MAPKAP1: variants seen among roughly 807,000 people sequenced by gnomAD.
MAPKAP1 encodes the protein MAPK associated protein 1, also known as target of rapamycin complex 2 subunit MAPKAP1.
MAPKAP1 carries 20 observed loss-of-function variants against 65.7 expected under a neutral mutation model. The observed-to-expected ratio is 0.30, with a 90% CI of 0.21 to 0.44. The LOEUF (loss-of-function observed/expected upper bound fraction) is 0.44. Among genes scored for constraint, MAPKAP1 ranks in the 20% least tolerant of loss-of-function variants. The probability of loss-of-function intolerance (pLI) is 1.00; values close to 1 mark genes in which losing one functional copy is unlikely to be tolerated. For synonymous variants in MAPKAP1, 222 were observed against 244.3 expected (o/e 0.91, Z 0.85); for missense variants, 423 against 648.0 (o/e 0.65, Z 3.77).
Position 125,699,925 on chromosome 9 carries a change from A to G in MAPKAP1, c.-70+7046T>C, listed in dbSNP as rs553992290. On this transcript the variant is annotated intron_variant, in intron 1 of 11. Coordinates refer to ENST00000265960, the MANE Select transcript of MAPKAP1 (RefSeq NM_001006617.3). ...CCAGCAAATCTGGCCCAGATTTTGA[A>G]TATTTTGAGTAGGGATGCTCAGCCT... Among the ~76,000 whole-genome samples, 10 of 152,276 alleles carry G rather than the reference A, an allele frequency of 6.6e-5. No individual in the cohort carries two copies. The South Asian group carries it at 2.1e-3, about 32-fold the overall frequency.
intron 10 of MAPKAP1, among the ~76,000 whole-genome samples, chr9:125,461,687 G>C (rs1254391428): frequency 6.6e-6 from 1 of 152,214 alleles, no homozygotes; most frequent in Non-Finnish European, 1.5e-5. Context: ...TAATATGTGA[G>C]AGTCCGTTGT....
At chr9:125,636,749 C>T (rs915608065) in intron 4 of MAPKAP1, among the ~76,000 whole-genome samples, 1 of 152,184 alleles carries the variant, frequency 6.6e-6, no homozygotes, top group Admixed American at 6.5e-5. Context: ...GTGATCTGCA[C>T]CACTCCTACC....
chr9:125,479,132 C>T (rs1388783281), intron 9 of MAPKAP1, among the ~76,000 whole-genome samples: 1 of 152,170 alleles, frequency 6.6e-6, no homozygotes, highest in Non-Finnish European at 1.5e-5. Flanking sequence ...TTTCAGGCGC[C>T]AGCGCATGCA....
intron 10 of MAPKAP1, among the ~76,000 whole-genome samples, chr9:125,464,423 G>A (rs898940282): frequency 6.6e-6 from 1 of 152,070 alleles, no homozygotes; most frequent in African/African-American, 2.4e-5. Flanking sequence ...ATCTGACAGA[G>A]GGAATCACTC....
intron 1 of MAPKAP1, among the ~76,000 whole-genome samples, chr9:125,684,757 C>T (rs532791981): frequency 8.5e-5 from 13 of 152,272 alleles, no homozygotes; most frequent in East Asian, 5.8e-4. Context: ...TCCAGCTCAA[C>T]GGTAGCCTTA....
chr9:125,693,408 C>T (rs138250318), intron 1 of MAPKAP1, among the ~76,000 whole-genome samples: 2,482 of 118,970 alleles, frequency 0.021, 28 homozygotes, highest in Non-Finnish European at 0.033. Context: ...GAGCGAAATT[C>T]CGCCTCAAAA....
chr9:125,506,452 G>T, intron 7 of MAPKAP1, 35 bp from the exon 8 acceptor site: 1 of 1,537,944 alleles, frequency 6.5e-7, no homozygotes, highest in Non-Finnish European at 9.0e-7. Context: ...AGGGGAGGAA[G>T]TCTGAAACAG....
In MAPKAP1 at chr9:125,595,895, C is replaced by T. The variant is rs563124990; in HGVS notation, c.499-10168G>A. ...GGATGCAGCCATGAATGCAAGGCCACACAAGGTGGATCGGAGTTGTGGAAC... is the reference window on the plus strand; with the variant it reads ...GGATGCAGCCATGAATGCAAGGCCATACAAGGTGGATCGGAGTTGTGGAAC... On this transcript the variant is annotated intron_variant, in intron 4 of 11. Transcript: ENST00000265960. This position sits in a 1 kb window ranked among gnomAD's most constrained non-coding sequence, Gnocchi z 4.0. 5.7e-6 allele frequency: 7 copies of T among 1,229,496 alleles called. No homozygotes were observed. The African/African-American group carries it at 7.4e-5, about 13-fold the overall frequency. 76.2% of individuals were successfully genotyped at this position (1,229,496 alleles called of 1,614,324 possible).
intron 5 of MAPKAP1, among the ~76,000 whole-genome samples, chr9:125,578,783 G>A (rs968238789): frequency 6.6e-6 from 1 of 152,082 alleles, no homozygotes; most frequent in African/African-American, 2.4e-5. Context: ...CACACAAGAT[G>A]GAAATTTTAA....
intron 6 of MAPKAP1, among the ~76,000 whole-genome samples, chr9:125,547,400 G>A (rs1224154130): frequency 6.6e-6 from 1 of 152,156 alleles, no homozygotes; most frequent in Non-Finnish European, 1.5e-5. Flanking sequence ...TCTTGGTTCC[G>A]TGGCTAACGG....
intron 7 of MAPKAP1, among the ~76,000 whole-genome samples, chr9:125,541,968 C>T (rs553603606): frequency 6.6e-6 from 1 of 152,348 alleles, no homozygotes; most frequent in South Asian, 2.1e-4. Context: ...GGAGCCGCCA[C>T]AGCCGAGGGT....
At chr9:125,665,643 A>C (rs1411083914) in intron 3 of MAPKAP1, among the ~76,000 whole-genome samples, 2 of 151,652 alleles carry the variant, frequency 1.3e-5, no homozygotes, top group Admixed American at 1.3e-4. Context: ...AAAAAACAAA[A>C]AACAAAAAAA....
chr9:125,445,303 C>G (rs1852669615), intron 10 of MAPKAP1, among the ~76,000 whole-genome samples: 1 of 152,244 alleles, frequency 6.6e-6, no homozygotes, highest in African/African-American at 2.4e-5. Context: ...CCTGGTCTAG[C>G]CTCATCTCAC....
chr9:125,692,879 C>T (rs1835210841), intron 1 of MAPKAP1, among the ~76,000 whole-genome samples: 1 of 151,454 alleles, frequency 6.6e-6, no homozygotes, highest in South Asian at 2.1e-4. Flanking sequence ...TGGCAGTTTC[C>T]AAGTCTTCTC....
chr9:125,449,573 T>G (rs115253638), intron 10 of MAPKAP1, among the ~76,000 whole-genome samples: 1 of 152,186 alleles, frequency 6.6e-6, no homozygotes, highest in African/African-American at 2.4e-5. Context: ...TCTGGATATG[T>G]AGAACTGTAT....
intron 7 of MAPKAP1, among the ~76,000 whole-genome samples, chr9:125,526,646 A>C (rs954982988): frequency 6.6e-6 from 1 of 152,260 alleles, no homozygotes; most frequent in African/African-American, 2.4e-5. Context: ...GGCGTTTTCA[A>C]ATAGACAAAG....
At chr9:125,529,178 A>G (rs1215264019) in intron 7 of MAPKAP1, among the ~76,000 whole-genome samples, 52 of 126,264 alleles carry the variant, frequency 4.1e-4, no homozygotes, top group African/African-American at 1.6e-3. Flanking sequence ...CTATCTCAGG[A>G]AAAAAAAAAA....
intron 5 of MAPKAP1, among the ~76,000 whole-genome samples, chr9:125,561,701 C>T (rs1369382512): frequency 2.6e-5 from 4 of 152,158 alleles, no homozygotes; most frequent in Non-Finnish European, 5.9e-5. Context: ...ATAAGCTTCA[C>T]CTCGAGTTTC....
At chr9:125,458,855 C>G (rs1175745152) in intron 10 of MAPKAP1, among the ~76,000 whole-genome samples, 1 of 38,606 alleles carries the variant, frequency 2.6e-5, no homozygotes, top group African/African-American at 1.1e-4. Context: ...GCTGACCCCC[C>G]CTACCTCCCT....
Sources: allele counts gnomAD v4.1 joint callset (sites outside exome capture counted in the v4.1 genomes callset), GRCh38; gene constraint gnomAD v4.1.1; non-coding constraint Gnocchi (gnomAD v3.1); transcripts MANE v1.5; gene names NCBI Gene and HGNC (gene_info 2026-07-23, HGNC 2026-07-21).